CUL4A: variants seen among roughly 807,000 people sequenced by gnomAD.
CUL4A encodes the protein cullin 4A.
In CUL4A, 16 loss-of-function variants were observed where a neutral mutation model predicts 95.5. That is an observed-to-expected ratio of 0.17 (90% CI 0.11 to 0.25). The LOEUF is 0.25. Ranked by LOEUF, CUL4A falls within the 10% of genes least tolerant of loss-of-function variation. CUL4A has a pLI of 1.00. For synonymous variants in CUL4A, 380 were observed against 353.1 expected (o/e 1.08, Z -0.85); for missense variants, 610 against 937.0 (o/e 0.65, Z 4.56).
intron 3 of CUL4A, among the ~76,000 whole-genome samples, chr13:113,222,344 G>A (rs2040928958): frequency 6.6e-6 from 1 of 152,100 alleles, no homozygotes; most frequent in Admixed American, 6.5e-5. Flanking sequence ...TGACTGGGCA[G>A]CAAAACCACA....
intron 5 of CUL4A, chr13:113,229,980 C>T (rs934516801): frequency 3.1e-6 from 1 of 325,174 alleles, no homozygotes; most frequent in East Asian, 4.8e-5. Flanking sequence ...ACTGTATACA[C>T]CAGGGGTTCT....
intron 5 of CUL4A, 173 bp from the exon 6 acceptor site, chr13:113,233,004 G>C: frequency 1.5e-6 from 1 of 655,302 alleles, no homozygotes; most frequent in Non-Finnish European, 2.5e-6. Context: ...AATACAAGGC[G>C]CGCTAGACTG....
rs1022112969 is a variant in CUL4A, at chr13:113,209,897, C to T, written c.149-76C>T. Reference sequence around the variant, plus strand: ...CCCCGGGAGCGGGGGCGCCGGGGCGCCGGCCGGGTCGGGGGTGGCTACGCG... The same window carrying T: ...CCCCGGGAGCGGGGGCGCCGGGGCGTCGGCCGGGTCGGGGGTGGCTACGCG... On this transcript the variant is annotated intron_variant, in intron 1 of 19. Coordinates refer to ENST00000375440, the MANE Select transcript of CUL4A (RefSeq NM_001008895.4). The T allele has an allele frequency of 4.9e-6, 6 of 1,223,156 alleles. No individual in the cohort carries two copies. The South Asian group carries it at 1.7e-4, about 35-fold the overall frequency. The allele number at this position is 1,223,156 out of a possible 1,614,324, so 75.8% of individuals were successfully genotyped here. A position where few individuals can be genotyped will look rare whatever the true frequency, so the allele number is the denominator to read the frequency against.
At position 113,263,774 on chromosome 13, in the gene CUL4A, G is replaced by C. The variant is rs923451087; in HGVS notation, c.*192G>C. ...CTGCAGATGTATCTTTTTCCCTCCA[G>C]TTTTTCCTCTAGTTCTTTTAGGCAT... On this transcript the variant is annotated 3_prime_UTR_variant, in exon 20 of 20. Transcript: ENST00000375440. The C allele has an allele frequency of 9.7e-6, 4 of 410,462 alleles. No homozygotes were observed. The highest frequency in any genetic ancestry group is 8.2e-5 in the African/African-American group (4 of 48,700). 25.4% of individuals were successfully genotyped at this position (410,462 alleles called of 1,614,324 possible).
chr13:113,259,366 G>A (rs1455751668), intron 18 of CUL4A, among the ~76,000 whole-genome samples: 1 of 152,162 alleles, frequency 6.6e-6, no homozygotes, highest in Non-Finnish European at 1.5e-5. Context: ...CTCCCATCCT[G>A]AAGCATACTT....
intron 5 of CUL4A, among the ~76,000 whole-genome samples, chr13:113,232,410 CACT>C (rs1566344479): frequency 6.6e-6 from 1 of 150,812 alleles, no homozygotes; most frequent in African/African-American, 2.5e-5. Context: ...CCACCACCAC[CACT>C]ATTACTATTA....
At chr13:113,258,047 G>A (rs891369312) in intron 18 of CUL4A, among the ~76,000 whole-genome samples, 7 of 151,728 alleles carry the variant, frequency 4.6e-5, no homozygotes, top group African/African-American at 7.3e-5. Flanking sequence ...AGACAGTGTC[G>A]CCCAGGCTGG....
intron 18 of CUL4A, among the ~76,000 whole-genome samples, chr13:113,260,179 G>C (rs1269696661): frequency 6.1e-5 from 2 of 32,838 alleles, no homozygotes; most frequent in Non-Finnish European, 1.5e-4. Flanking sequence ...ACTCCAGCCT[G>C]GGTGACAGAG....
At chr13:113,220,172 A>G (rs561496522) in intron 3 of CUL4A, among the ~76,000 whole-genome samples, 55 of 152,338 alleles carry the variant, frequency 3.6e-4, no homozygotes, top group African/African-American at 1.3e-3. Context: ...AAGGGTCCTC[A>G]GGGAATCTGC....
At chr13:113,259,199 T>TTA (rs1028709019) in intron 18 of CUL4A, among the ~76,000 whole-genome samples, 6 of 152,230 alleles carry the variant, frequency 3.9e-5, no homozygotes, top group African/African-American at 1.4e-4. Context: ...ATATACCTCT[T>TTA]TAGTCTGTTC....
At chr13:113,233,745 G>C in intron 6 of CUL4A, 152 bp from the exon 7 acceptor site, 1 of 631,446 alleles carries the variant, frequency 1.6e-6, no homozygotes, top group Non-Finnish European at 2.8e-6. Context: ...CGGCCGTTTT[G>C]GGAAGGACAG....
intron 9 of CUL4A, 107 bp from the exon 10 acceptor site, chr13:113,239,326 A>C (rs2041637840): frequency 3.1e-6 from 3 of 970,034 alleles, no homozygotes; most frequent in Non-Finnish European, 5.0e-6. Context: ...GACCCGCCCA[A>C]TTTCTAAGCG....
intron 18 of CUL4A, among the ~76,000 whole-genome samples, chr13:113,258,244 AC>A (rs924953370): frequency 6.7e-6 from 1 of 150,060 alleles, no homozygotes; most frequent in Non-Finnish European, 1.5e-5. Flanking sequence ...TCCTACCTTG[AC>A]CCCCCAAAGT....
chr13:113,210,994 G>A (rs558590159), intron 2 of CUL4A, among the ~76,000 whole-genome samples: 2 of 152,268 alleles, frequency 1.3e-5, no homozygotes, highest in East Asian at 1.9e-4. Context: ...TACATATAAT[G>A]TGCACTTCAG....
chr13:113,246,243 C>T (rs9549711), intron 15 of CUL4A, among the ~76,000 whole-genome samples, 180 bp downstream of exon 15: 31,367 of 152,212 alleles, frequency 0.21, 3,890 homozygotes, highest in South Asian at 0.43. Flanking sequence ...TTGTCACCTT[C>T]TGTGGCTCCT....
intron 2 of CUL4A, among the ~76,000 whole-genome samples, chr13:113,218,720 G>C (rs562080809): frequency 6.6e-6 from 1 of 152,332 alleles, no homozygotes; most frequent in Admixed American, 6.5e-5. Flanking sequence ...CACATTAACT[G>C]TTGTTACCTC....
intron 4 of CUL4A, among the ~76,000 whole-genome samples, 178 bp downstream of exon 4, chr13:113,228,223 C>T (rs555231934): frequency 7.2e-4 from 109 of 152,310 alleles, no homozygotes; most frequent in African/African-American, 2.5e-3. Context: ...GAGAGGGCAC[C>T]ACTGACCCTC....
chr13:113,263,845 CAAG>C lies in CUL4A; in HGVS notation c.*268_*270del, dbSNP rs941002459. 3.5e-5 allele frequency: 11 copies of C among 315,760 alleles called. No homozygotes were observed. The highest frequency in any genetic ancestry group is 1.7e-4 in the African/African-American group (8 of 46,686). 19.6% of individuals were successfully genotyped at this position (315,760 alleles called of 1,614,324 possible). ...TGTGCAAAATAACTTTGAGATTGGA[CAAG>C]AAGATGTTACTAAAGAGAAGTTCCT... On this transcript the variant is annotated 3_prime_UTR_variant, in exon 20 of 20. Coordinates refer to ENST00000375440, the MANE Select transcript of CUL4A (RefSeq NM_001008895.4).
In CUL4A at chr13:113,254,922, C is replaced by T. The variant is rs537064204; in HGVS notation, c.1859-31C>T. ...TTGTTGAGTCTCATTCGTTTAACGCCAGCCTTTGCCTGCATTTGCTTCCCA... is the reference window on the plus strand; with the variant it reads ...TTGTTGAGTCTCATTCGTTTAACGCTAGCCTTTGCCTGCATTTGCTTCCCA... On this transcript the variant is annotated intron_variant, in intron 17 of 19. Transcript: ENST00000375440. 134 of 1,607,476 alleles carry T rather than the reference C, an allele frequency of 8.3e-5. 4 individuals are homozygous for T. The South Asian group carries it at 1.4e-3, about 17-fold the overall frequency.
Sources: gnomAD v4.1 joint callset for allele counts (sites outside exome capture counted in the v4.1 genomes callset) on GRCh38, gnomAD v4.1.1 for gene constraint, MANE v1.5 for transcripts, NCBI Gene and HGNC (gene_info 2026-07-23, HGNC 2026-07-21) for gene names.